The following ZNF362 variants were observed in gnomAD, a reference collection of about 807,000 sequenced individuals.
ZNF362 encodes rotund homolog.
In ZNF362, 11 loss-of-function variants were observed where a neutral mutation model predicts 42.9. The observed-to-expected ratio is 0.26, with a 90% confidence interval of 0.16 to 0.42. ZNF362 has a LOEUF of 0.42. ZNF362 is among the 20% of genes least tolerant of loss of function. The probability of loss-of-function intolerance (pLI) is 1.00; values close to 1 mark genes in which losing one functional copy is unlikely to be tolerated. For synonymous variants in ZNF362, 255 were observed against 257.3 expected (o/e 0.99, Z 0.09); for missense variants, 362 against 576.2 (o/e 0.63, Z 3.81).
chr1:33,220,368 A>G, the ZNF362 span, among the ~76,000 whole-genome samples: 2 of 152,140 alleles, frequency 1.3e-5, no homozygotes, highest in Non-Finnish European at 2.9e-5. Flanking sequence ...CAAGCATTAC[A>G]TCCTCTAACC....
At chr1:33,182,946 A>G in the ZNF362 span, among the ~76,000 whole-genome samples, 5 of 152,154 alleles carry the variant, frequency 3.3e-5, no homozygotes, top group Admixed American at 6.5e-5. Context: ...CTTGGAGATA[A>G]TCATTATACC....
the ZNF362 span, among the ~76,000 whole-genome samples, chr1:33,238,806 G>A: frequency 6.6e-6 from 1 of 152,040 alleles, no homozygotes; most frequent in Non-Finnish European, 1.5e-5. Flanking sequence ...TCTCCCTCTC[G>A]ACGTATGCAC....
chr1:33,284,763 T>G (rs377458134), intron 6 of ZNF362, among the ~76,000 whole-genome samples: 39 of 152,266 alleles, frequency 2.6e-4, no homozygotes, highest in South Asian at 2.1e-4. Context: ...TTTAGAAAAT[T>G]AGAACATTAA....
the ZNF362 span, among the ~76,000 whole-genome samples, chr1:33,153,038 G>C: frequency 0.7 from 99,244 of 141,520 alleles, 35,329 homozygotes; most frequent in Non-Finnish European, 0.75. Flanking sequence ...GGGTGGGATA[G>C]AGGGGTGGGA....
chr1:33,165,289 T>G, the ZNF362 span: 1 of 540,498 alleles, frequency 1.9e-6, no homozygotes, highest in Non-Finnish European at 3.3e-6. The surrounding 1 kb of genome is among the most constrained non-coding windows in gnomAD (Gnocchi z 4.0). Flanking sequence ...TGCCGCCCCA[T>G]TGAACTTCAC....
the ZNF362 span, among the ~76,000 whole-genome samples, chr1:33,170,709 T>C: frequency 6.6e-6 from 1 of 152,188 alleles, no homozygotes; most frequent in Non-Finnish European, 1.5e-5. Context: ...CTGCCTGAGC[T>C]GTGTCACCCC....
At chr1:33,208,107 TG>T in the ZNF362 span, among the ~76,000 whole-genome samples, 1 of 152,240 alleles carries the variant, frequency 6.6e-6, no homozygotes, top group African/African-American at 2.4e-5. Flanking sequence ...AGTTAATTTT[TG>T]TATAAAGTGT....
chr1:33,218,104 T>C, the ZNF362 span, among the ~76,000 whole-genome samples: 1 of 152,170 alleles, frequency 6.6e-6, no homozygotes, highest in Admixed American at 6.5e-5. Context: ...CATATATTCT[T>C]TTGCATTTTT....
chr1:33,141,658 C>A, the ZNF362 span, among the ~76,000 whole-genome samples: 1 of 152,190 alleles, frequency 6.6e-6, no homozygotes, highest in East Asian at 1.9e-4. Flanking sequence ...ACCCTTCCCC[C>A]TCTTCATCTA....
the ZNF362 span, among the ~76,000 whole-genome samples, chr1:33,196,680 A>G: frequency 2.6e-5 from 4 of 152,324 alleles, no homozygotes; most frequent in South Asian, 4.1e-4. Flanking sequence ...ATAGCATAGT[A>G]TACATAAACC....
the ZNF362 span, among the ~76,000 whole-genome samples, chr1:33,148,862 A>C: frequency 6.6e-6 from 1 of 152,238 alleles, no homozygotes; most frequent in Non-Finnish European, 1.5e-5. Context: ...TGAGACCCAG[A>C]GGGGAGACAT....
chr1:33,128,080 T>A, the ZNF362 span, among the ~76,000 whole-genome samples: 5 of 151,678 alleles, frequency 3.3e-5, no homozygotes, highest in Admixed American at 1.3e-4. Flanking sequence ...TTAACATATT[T>A]AGGTTGGGCA....
At chr1:33,160,038 AGGAAAGGGTG>A in the ZNF362 span, 2 of 1,524,478 alleles carry the variant, frequency 1.3e-6, no homozygotes, top group Non-Finnish European at 1.8e-6. Flanking sequence ...ACACACAGAG[AGGAAAGGGTG>A]GGAAAGGGCA....
At chr1:33,163,340 A>AT in the ZNF362 span, 60 of 151,144 alleles carry the variant, frequency 4.0e-4, no homozygotes, top group Non-Finnish European at 6.3e-4. Flanking sequence ...TGCCTGGCCG[A>AT]TTTTTTTTTC....
chr1:33,156,259 ACT>A, the ZNF362 span, among the ~76,000 whole-genome samples: 2 of 151,540 alleles, frequency 1.3e-5, no homozygotes, highest in Admixed American at 1.3e-4. Flanking sequence ...GCACTGCCAC[ACT>A]CTCTCTCCTT....
At chr1:33,272,327 GGGCAGAGTTCTTTCCAGTT>G (rs917333478) in intron 2 of ZNF362, among the ~76,000 whole-genome samples, 5 of 152,106 alleles carry the variant, frequency 3.3e-5, no homozygotes, top group Admixed American at 2.0e-4. Context: ...GGCTCGGGGA[GGGCAGAGTTCTTTCCAGTT>G]GGCTCAGGTT....
At chr1:33,235,948 G>A in the ZNF362 span, among the ~76,000 whole-genome samples, 1 of 152,196 alleles carries the variant, frequency 6.6e-6, no homozygotes, top group Non-Finnish European at 1.5e-5. Flanking sequence ...AGATGCTTAA[G>A]CTGAAAGAGA....
chr1:33,190,691 C>G, the ZNF362 span, among the ~76,000 whole-genome samples: 1 of 152,214 alleles, frequency 6.6e-6, no homozygotes. Flanking sequence ...AAGCTGTCAC[C>G]TCTTAGCGCC....
chr1:33,152,479 A>G, the ZNF362 span, among the ~76,000 whole-genome samples: 2 of 151,886 alleles, frequency 1.3e-5, no homozygotes, highest in African/African-American at 4.8e-5. Flanking sequence ...AGGCAGGAGA[A>G]TCGCTTGAAT....
Sources: allele counts gnomAD v4.1 joint callset (sites outside exome capture counted in the v4.1 genomes callset), GRCh38; gene constraint gnomAD v4.1.1; non-coding constraint Gnocchi (gnomAD v3.1); transcripts MANE v1.5; gene names NCBI Gene and HGNC (gene_info 2026-07-23, HGNC 2026-07-21).